Variants in STAT3 observed in about 807,000 individuals in gnomAD.
STAT3 encodes DNA-binding protein APRF.
In STAT3, 7 loss-of-function variants were observed where a neutral mutation model predicts 114.3. That is an observed-to-expected ratio of 0.06 (90% CI 0.03 to 0.11). The LOEUF (loss-of-function observed/expected upper bound fraction) is 0.11, where lower values mean the gene tolerates loss of function less well. Ranked by LOEUF, STAT3 falls within the 10% of genes least tolerant of loss-of-function variation. The probability of loss-of-function intolerance (pLI) is 1.00; values close to 1 mark genes in which losing one functional copy is unlikely to be tolerated. For missense variants in STAT3, 364 were observed against 960.9 expected (o/e 0.38, Z 8.21); for synonymous variants, 331 against 354.5 (o/e 0.93, Z 0.74).
At chr17:42,341,460 C>A (rs1028207652) in intron 4 of STAT3, among the ~76,000 whole-genome samples, 9 of 152,234 alleles carry the variant, frequency 5.9e-5, no homozygotes, top group Admixed American at 3.3e-4. Flanking sequence ...TCAAATGTTT[C>A]TTTTCCTGAG....
chr17:42,344,894 A>G (rs1229890004), intron 4 of STAT3, among the ~76,000 whole-genome samples: 2 of 152,014 alleles, frequency 1.3e-5, no homozygotes, highest in Non-Finnish European at 2.9e-5. Flanking sequence ...AGCCTCATAA[A>G]ATAAGCTGAA....
chr17:42,329,454 G>A lies in STAT3; in HGVS notation c.1237C>T (p.Leu413=), dbSNP rs146946014. ...SLSAEFKHLT[L]REQRCGNGGR... Reference sequence around the variant, plus strand: ...CCATTCCCACATCTCTGCTCCCTCAGGGTCTGTAAGAAAAGAAAAAGGCAG... The same window carrying A: ...CCATTCCCACATCTCTGCTCCCTCAAGGTCTGTAAGAAAAGAAAAAGGCAG... The change falls in exon 14 of 24, where the codon CTG becomes TTG. Residue 413 remains leucine, a synonymous_variant. Transcript: ENST00000264657. 104 of 1,614,166 alleles carry A rather than the reference G, an allele frequency of 6.4e-5. No individual in the cohort carries two copies. The Middle Eastern group carries it at 8.3e-4, about 13-fold the overall frequency.
At chr17:42,354,806 C>CAA (rs59204136) in intron 1 of STAT3, among the ~76,000 whole-genome samples, 1 of 104,438 alleles carries the variant, frequency 9.6e-6, no homozygotes, top group Non-Finnish European at 1.8e-5. Flanking sequence ...GACTCTGTCT[C>CAA]AAAAAAAAAA....
At chr17:42,341,906 G>A (rs1212004441) in intron 4 of STAT3, among the ~76,000 whole-genome samples, 1 of 151,910 alleles carries the variant, frequency 6.6e-6, no homozygotes, top group African/African-American at 2.4e-5. Context: ...TTTGGGCCAC[G>A]CTCACAGTTT....
chr17:42,344,383 C>T (rs1222187), intron 4 of STAT3, among the ~76,000 whole-genome samples: 1 of 148,520 alleles, frequency 6.7e-6, no homozygotes, highest in African/African-American at 2.5e-5. Flanking sequence ...GATCACGCCA[C>T]TGCACTCCAG....
At chr17:42,365,805 G>A (rs563635854) in intron 1 of STAT3, among the ~76,000 whole-genome samples, 12 of 151,800 alleles carry the variant, frequency 7.9e-5, no homozygotes, top group African/African-American at 2.4e-4. Context: ...ACAGGTGCCC[G>A]GTACAACGCC....
At chr17:42,356,537 A>ATT (rs1364131230) in intron 1 of STAT3, among the ~76,000 whole-genome samples, 1 of 122,678 alleles carries the variant, frequency 8.2e-6, no homozygotes, top group African/African-American at 3.4e-5. Flanking sequence ...ATATATATAT[A>ATT]TATTTTTTTT....
chr17:42,328,964 C>T (rs1400503536), intron 14 of STAT3, among the ~76,000 whole-genome samples: 2 of 152,098 alleles, frequency 1.3e-5, no homozygotes, highest in Non-Finnish European at 2.9e-5. Context: ...CAAGCTAATG[C>T]AAGGTGGTCA....
intron 1 of STAT3, among the ~76,000 whole-genome samples, chr17:42,377,983 A>ATTTTTT (rs11378560): frequency 4.7e-5 from 6 of 127,714 alleles, no homozygotes; most frequent in Admixed American, 2.6e-4. Flanking sequence ...CAGAAACAGG[A>ATTTTTT]TTTTTTTTTT....
chr17:42,341,223 T>C lies in STAT3; in HGVS notation c.373-1814A>G, dbSNP rs139493151. On this transcript the variant is annotated intron_variant, in intron 4 of 23. Transcript: ENST00000264657. ...CCTCTAATACCTTCGTAAAAAACTG[T>C]ATTGGCTCCCCACTGCTTCCAGCTA... Among the ~76,000 whole-genome samples the C allele has an allele frequency of 2.6e-5, 4 of 152,334 alleles. No homozygotes were observed. In the East Asian group the frequency reaches 7.7e-4, roughly 29 times the overall value.
intron 23 of STAT3, chr17:42,316,047 G>C: frequency 7.1e-7 from 1 of 1,413,724 alleles, no homozygotes. Context: ...GAAGCTCTAA[G>C]GCTGTCCTGA....
At chr17:42,358,267 A>T (rs11871210) in intron 1 of STAT3, among the ~76,000 whole-genome samples, 9,282 of 152,102 alleles carry the variant, frequency 0.061, 352 homozygotes, top group Non-Finnish European at 0.075. Flanking sequence ...AAATTTTTTT[A>T]AAATTAGCCT....
intron 1 of STAT3, among the ~76,000 whole-genome samples, chr17:42,354,327 G>A (rs1394503920): frequency 6.7e-6 from 1 of 150,060 alleles, no homozygotes; most frequent in Non-Finnish European, 1.5e-5. Context: ...GCCCCACCAC[G>A]CCCGGCTAAT....
chr17:42,376,031 A>G (rs369780095), intron 1 of STAT3, among the ~76,000 whole-genome samples: 6 of 151,488 alleles, frequency 4.0e-5, no homozygotes, highest in Admixed American at 6.6e-5. Context: ...AGCCCCTGTA[A>G]TCCCAGCTAC....
At chr17:42,341,381 C>T (rs902722473) in intron 4 of STAT3, among the ~76,000 whole-genome samples, 6 of 152,254 alleles carry the variant, frequency 3.9e-5, no homozygotes, top group African/African-American at 9.6e-5. Flanking sequence ...TCTTCCCACC[C>T]GCTATCCACT....
chr17:42,380,638 C>T (rs1448268153), intron 1 of STAT3, among the ~76,000 whole-genome samples: 3 of 152,144 alleles, frequency 2.0e-5, no homozygotes, highest in African/African-American at 7.2e-5. Context: ...ATCCACCCGC[C>T]TTGGCCTCCC....
At chr17:42,339,273 T>A (rs1027253684) in intron 5 of STAT3, 41 bp downstream of exon 5, 34 of 1,469,940 alleles carry the variant, frequency 2.3e-5, no homozygotes, top group Admixed American at 8.9e-5. Flanking sequence ...AAAAAAAAAA[T>A]TAATGAAAGC....
At chr17:42,315,832 T>C (rs1209736073) in intron 23 of STAT3, 32 bp from the exon 24 acceptor site, 3 of 1,613,844 alleles carry the variant, frequency 1.9e-6, no homozygotes, top group Non-Finnish European at 8.5e-7. Flanking sequence ...ACTAGTTCAG[T>C]TGTCCACCCT....
At position 42,316,914 on chromosome 17, in the gene STAT3, G is replaced by T. The variant is rs2081274191; in HGVS notation, c.2145-13C>A. The T allele has an allele frequency of 6.2e-7, 1 of 1,609,078 alleles. No individual in the cohort carries two copies. Among genetic ancestry groups the T allele is most frequent in the Non-Finnish European group, 8.5e-7 (1 of 1,177,096 alleles). Reference sequence around the variant, plus strand: ...GCTGCAGGTCGTTCTGTAGGAAATGGGGGGCAGCAGGAGGGGAAACGGGGG... The same window carrying T: ...GCTGCAGGTCGTTCTGTAGGAAATGTGGGGCAGCAGGAGGGGAAACGGGGG... On this transcript the variant is annotated splice_polypyrimidine_tract_variant and intron_variant, in intron 22 of 23. Coordinates refer to ENST00000264657, the MANE Select transcript of STAT3 (RefSeq NM_139276.3).
Sources: allele counts gnomAD v4.1 joint callset (sites outside exome capture counted in the v4.1 genomes callset), GRCh38; gene constraint gnomAD v4.1.1; transcripts MANE v1.5; gene names NCBI Gene and HGNC (gene_info 2026-07-23, HGNC 2026-07-21).